BCL11A: variants seen among roughly 807,000 people sequenced by gnomAD.
BCL11A encodes the protein BCL11 transcription factor A, also known as B cell CLL/lymphoma 11A.
Under a neutral mutation model 55.9 loss-of-function variants are expected in BCL11A, and 2 were observed. That is an observed-to-expected ratio of 0.04 (90% CI 0.01 to 0.11). The LOEUF is 0.11. BCL11A is among the 10% of genes least tolerant of loss of function. BCL11A has a pLI of 1.00. For synonymous variants in BCL11A, 465 were observed against 473.4 expected (o/e 0.98, Z 0.23); for missense variants, 817 against 1,137.1 (o/e 0.72, Z 4.05).
chr2:60,460,051 T>TA lies in BCL11A; in HGVS notation c.*352dup, dbSNP rs199562853. On this transcript the variant is annotated 3_prime_UTR_variant, in exon 4 of 4. Coordinates refer to ENST00000642384, the MANE Select transcript of BCL11A (RefSeq NM_022893.4). The stretch of plus-strand genomic sequence containing the variant: ...ACATACCATACATGCTGTCTAAGTT[T>TA]AAAAAAAAACATACACAACATGTAA... 0.011 allele frequency: 11,728 copies of TA among 1,080,244 alleles called. 62 individuals carry two copies. Among genetic ancestry groups the TA allele is most frequent in the Admixed American group, 0.013 (262 of 19,824 alleles). The allele number at this position is 1,080,244 out of a possible 1,614,324, so 66.9% of individuals were successfully genotyped here.
At chr2:60,511,690 A>C (rs1332541862) in intron 2 of BCL11A, among the ~76,000 whole-genome samples, 4 of 152,274 alleles carry the variant, frequency 2.6e-5, no homozygotes, top group Non-Finnish European at 5.9e-5. Flanking sequence ...AACAATCATC[A>C]CTCAGTCAAC....
At chr2:60,494,407 C>G (rs917912454) in intron 2 of BCL11A, among the ~76,000 whole-genome samples, 2 of 152,182 alleles carry the variant, frequency 1.3e-5, no homozygotes, top group African/African-American at 2.4e-5. Context: ...CTCCAATACC[C>G]TAATGTCTTA....
At chr2:60,468,151 G>A (rs898990689) in intron 3 of BCL11A, among the ~76,000 whole-genome samples, 26 of 151,572 alleles carry the variant, frequency 1.7e-4, no homozygotes, top group Non-Finnish European at 2.2e-4. Flanking sequence ...TGGTGGTGGT[G>A]GTGGTGATAG....
intron 2 of BCL11A, among the ~76,000 whole-genome samples, chr2:60,493,004 C>A (rs1678733530): frequency 6.6e-6 from 1 of 152,170 alleles, no homozygotes; most frequent in African/African-American, 2.4e-5. Flanking sequence ...CCCTCTGACC[C>A]CTTCCTTCTA....
chr2:60,469,124 T>C (rs184044102), intron 2 of BCL11A, among the ~76,000 whole-genome samples: 193 of 152,334 alleles, frequency 1.3e-3, no homozygotes, highest in Non-Finnish European at 2.4e-3. Flanking sequence ...TGTTTGATTA[T>C]TGTCTTGTGG....
chr2:60,497,831 T>C (rs1679041162), intron 2 of BCL11A, among the ~76,000 whole-genome samples: 1 of 152,050 alleles, frequency 6.6e-6, no homozygotes, highest in Non-Finnish European at 1.5e-5. Context: ...GATGATCCAG[T>C]AGAGAAATGA....
intron 2 of BCL11A, among the ~76,000 whole-genome samples, chr2:60,498,760 A>G (rs1453600904): frequency 6.6e-6 from 1 of 152,170 alleles, no homozygotes; most frequent in African/African-American, 2.4e-5. Flanking sequence ...GTTCGTACAG[A>G]CCCAGCCAGA....
chr2:60,460,142 T>C lies in BCL11A; in HGVS notation c.*262A>G, dbSNP rs2103815592. ...CAATAGTATTGCCCCATACAGATCA[T>C]GCATTCAAACGGTGAGAACATAAAG... On this transcript the variant is annotated 3_prime_UTR_variant, in exon 4 of 4. Transcript: ENST00000642384. 2 of 1,222,980 alleles carry C rather than the reference T, an allele frequency of 1.6e-6. No individual in the cohort carries two copies. The highest frequency in any genetic ancestry group is 2.0e-6 in the Non-Finnish European group (2 of 987,248). 75.8% of individuals were successfully genotyped at this position (1,222,980 alleles called of 1,614,324 possible).
At chr2:60,528,124 C>G (rs1669286688) in intron 2 of BCL11A, 1 of 152,728 alleles carries the variant, frequency 6.5e-6, no homozygotes, top group African/African-American at 2.4e-5. Flanking sequence ...CCCCCAGAAC[C>G]CATCGTCCTA....
At chr2:60,499,773 G>A (rs1479361439) in intron 2 of BCL11A, 1 of 152,474 alleles carries the variant, frequency 6.6e-6, no homozygotes, top group Non-Finnish European at 1.5e-5. Context: ...GCAGCACCTG[G>A]GCCACAGCAT....
Position 60,457,267 on chromosome 2 carries a change from C to T in BCL11A, c.*3137G>A. The T allele has an allele frequency of 9.9e-7, 1 of 1,013,888 alleles. No individual in the cohort carries two copies. The highest frequency in any genetic ancestry group is 1.2e-6 in the Non-Finnish European group (1 of 846,858). The allele number at this position is 1,013,888 out of a possible 1,614,324, so 62.8% of individuals were successfully genotyped here. ...ATGAACAGGTTAATGCAGACAACTG[C>T]CAAAAAAACACAGACAGTGGTTTTT... On this transcript the variant is annotated 3_prime_UTR_variant, in exon 4 of 4. Transcript: ENST00000642384.
rs1676008067 is a variant in BCL11A at position 60,457,706 on chromosome 2, T to A, written c.*2698A>T. 1.3e-5 allele frequency: 13 copies of A among 1,033,316 alleles called. No individual in the cohort carries two copies. The South Asian group carries it at 6.0e-4, about 48-fold the overall frequency. The allele number at this position is 1,033,316 out of a possible 1,614,324, so 64.0% of individuals were successfully genotyped here. On this transcript the variant is annotated 3_prime_UTR_variant, in exon 4 of 4. Transcript: ENST00000642384. ...TTTTTCCTTTTTTTTTCTTTCTTTC[T>A]TTTACTGCATATGAAGGTAAGATGC...
At chr2:60,542,051 C>A in intron 2 of BCL11A, 1 of 588,574 alleles carries the variant, frequency 1.7e-6, no homozygotes, top group Admixed American at 3.3e-5. Context: ...ATTACTATAT[C>A]TCCCTTCTTT....
At chr2:60,476,331 A>T (rs908137070) in intron 2 of BCL11A, among the ~76,000 whole-genome samples, 2 of 152,238 alleles carry the variant, frequency 1.3e-5, no homozygotes, top group Non-Finnish European at 2.9e-5. Context: ...AAGGTCAGAG[A>T]ACCAGGAAGA....
At chr2:60,540,207 A>AG (rs1038897160) in intron 2 of BCL11A, among the ~76,000 whole-genome samples, 27 of 152,204 alleles carry the variant, frequency 1.8e-4, no homozygotes, top group Non-Finnish European at 4.4e-5. Context: ...ACAAGCAGAA[A>AG]GGTACTAAAG....
At chr2:60,452,723 C>A (rs1057196069), downstream of BCL11A, 10 of 1,381,708 alleles carry the variant, frequency 7.2e-6, no homozygotes, top group African/African-American at 1.3e-4. Flanking sequence ...TGTGACTTGG[C>A]CCAATGATTT....
chr2:60,451,227 A>C (rs1316167632), exon 5 of BCL11A: 3 of 220,014 alleles, frequency 1.4e-5, no homozygotes, highest in Non-Finnish European at 9.1e-6. Flanking sequence ...TTATTTGGCT[A>C]TCTTTTCACT....
At chr2:60,548,127 A>T (rs746172626) in intron 1 of BCL11A, among the ~76,000 whole-genome samples, 1 of 152,226 alleles carries the variant, frequency 6.6e-6, no homozygotes, top group African/African-American at 2.4e-5. Context: ...AGTGAGGAAT[A>T]GGGAACTCAT....
downstream of BCL11A, among the ~76,000 whole-genome samples, chr2:60,455,423 T>C (rs1332067376): frequency 6.6e-6 from 1 of 152,226 alleles, no homozygotes; most frequent in African/African-American, 2.4e-5. Context: ...TAGGTTCTCA[T>C]GTTTCTATTG....
Sources: gnomAD v4.1 joint callset for allele counts (sites outside exome capture counted in the v4.1 genomes callset) on GRCh38, gnomAD v4.1.1 for gene constraint, MANE v1.5 for transcripts, NCBI Gene and HGNC (gene_info 2026-07-23, HGNC 2026-07-21) for gene names.